The following MISP variants were observed in gnomAD, a reference collection of about 807,000 sequenced individuals.
MISP encodes the protein mitotic spindle positioning.
In MISP, 51 loss-of-function variants were observed where a neutral mutation model predicts 49.3. The ratio of observed to expected loss-of-function variants is 1.03; its 90% CI spans 0.83 to 1.31. The LOEUF is 1.31. MISP is among the 50% of genes most tolerant of loss of function. The pLI is 0.00. For synonymous variants in MISP, 444 were observed against 392.6 expected, an observed-to-expected ratio of 1.13 and a Z score of -1.55; for missense variants, 1,084 against 935.1, an observed-to-expected ratio of 1.16 and a Z score of -2.08.
At chr19:759,084 C>T (rs1391074749) in intron 2 of MISP, among the ~76,000 whole-genome samples, 3 of 152,202 alleles carry the variant, frequency 2.0e-5, no homozygotes, top group Admixed American at 6.5e-5. Flanking sequence ...AGTGCAGTGG[C>T]AGGATCTCAA....
intron 4 of MISP, among the ~76,000 whole-genome samples, chr19:762,188 G>A (rs1465163193): frequency 6.7e-6 from 1 of 148,686 alleles, no homozygotes; most frequent in African/African-American, 2.5e-5. Context: ...TCCTGACCTC[G>A]TGATCCACCC....
At position 758,285 on chromosome 19, in the gene MISP, C is replaced by G; in HGVS notation, c.1339C>G (p.Pro447Ala). 1 of 1,613,974 alleles carries G rather than the reference C, an allele frequency of 6.2e-7. No homozygotes were observed. The highest frequency in any genetic ancestry group is 8.5e-7 in the Non-Finnish European group (1 of 1,180,046). ...EFSAFGAFGK[P>A]SSLSTAEAKA... ...CTCAGCCTTCGGAGCATTCGGCAAGCCCAGCAGTCTCTCCACAGCGGAGGC... is the reference window on the plus strand; with the variant it reads ...CTCAGCCTTCGGAGCATTCGGCAAGGCCAGCAGTCTCTCCACAGCGGAGGC... The change falls in exon 2 of 5, where the codon CCC becomes GCC. Residue 447 changes from proline to alanine, a missense_variant. Physicochemically the swap from Pro to Ala is conservative, Grantham distance 27 (BLOSUM62 -1). Transcript: ENST00000215582.
intron 1 of MISP, among the ~76,000 whole-genome samples, chr19:753,251 A>T (rs950645581): frequency 3.3e-5 from 5 of 152,128 alleles, no homozygotes; most frequent in Non-Finnish European, 7.3e-5. Flanking sequence ...AGTTTCTGAC[A>T]TTTGATACGC....
At chr19:761,500 CAG>C (rs921123003) in intron 3 of MISP, 123 bp from the exon 4 acceptor site, 3 of 1,026,790 alleles carry the variant, frequency 2.9e-6, no homozygotes, top group Non-Finnish European at 4.5e-6. Flanking sequence ...TGAGAACACT[CAG>C]GGCAGGGGAT....
rs199872869 is a variant in MISP at position 758,689 on chromosome 19, C to G, written c.1743C>G (p.Asn581Lys). The change falls in exon 2 of 5, where the codon AAC becomes AAG. Residue 581 changes from asparagine to lysine, a missense_variant. Physicochemically the swap from Asn to Lys is moderately conservative, Grantham distance 94 (BLOSUM62 0). Coordinates refer to ENST00000215582, the MANE Select transcript of MISP (RefSeq NM_173481.4). The stretch of plus-strand genomic sequence containing the variant: ...TCTTCTCCCCAACGCCAGATGAGAA[C>G]TCTGACCAGAACTCCAGGAGCTCCT... ...PEVFSPTPDE[N>K]SDQNSRSSSQ... 7 of 1,614,072 alleles carry G rather than the reference C, an allele frequency of 4.3e-6. No individual in the cohort carries two copies. The highest frequency in any genetic ancestry group is 5.9e-6 in the Non-Finnish European group (7 of 1,179,960).
rs1410310862 is a variant in MISP, at chr19:756,979, C to A, written c.33C>A (p.Gly11=). 3 of 1,587,212 alleles carry A rather than the reference C, an allele frequency of 1.9e-6. No homozygotes were observed. The South Asian group carries it at 3.4e-5, about 18-fold the overall frequency. The change falls in exon 2 of 5, where the codon GGC becomes GGA. Residue 11 remains glycine, a synonymous_variant. Coordinates refer to ENST00000215582, the MANE Select transcript of MISP (RefSeq NM_173481.4). ...GCGTGACCAGATACCCCATCCTGGGCATCCCTCAGGCACACCGTGGCACCG... is the reference window on the plus strand; with the variant it reads ...GCGTGACCAGATACCCCATCCTGGGAATCCCTCAGGCACACCGTGGCACCG... MDRVTRYPIL[G]IPQAHRGTGL...
Position 758,115 on chromosome 19 carries a change from G to A in MISP, c.1169G>A (p.Arg390Gln), listed in dbSNP as rs140196930. 60 of 1,603,630 alleles carry A rather than the reference G, an allele frequency of 3.7e-5. No homozygotes were observed. The highest frequency in any genetic ancestry group is 3.1e-4 in the African/African-American group (23 of 74,772). Residue 390 changes from arginine to glutamine, a missense_variant, in exon 2 of 5, where the codon CGG becomes CAG. By Grantham distance (43) the Arg-to-Gln change is conservative (BLOSUM62 1). Coordinates refer to ENST00000215582, the MANE Select transcript of MISP (RefSeq NM_173481.4). ...TCGGAGGGTCCCCAGCCCGGACTCC[G>A]GAGAGCCCTCAGCTCAGATTCCATC... Reference protein sequence around the residue: ...WVSEGPQPGLRRALSSDSILS... With the variant: ...WVSEGPQPGLQRALSSDSILS...
intron 1 of MISP, among the ~76,000 whole-genome samples, chr19:755,359 C>G (rs543881950): frequency 6.6e-6 from 1 of 152,148 alleles, no homozygotes. Flanking sequence ...GGCTTTATGG[C>G]GACAAGGCCC....
chr19:757,962 C>A lies in MISP; in HGVS notation c.1016C>A (p.Ala339Asp), dbSNP rs1481318496. 6.3e-7 allele frequency: 1 copy of A among 1,589,438 alleles called. No homozygotes were observed. Among genetic ancestry groups the A allele is most frequent in the Non-Finnish European group, 8.5e-7 (1 of 1,172,904 alleles). Residue 339 changes from alanine to aspartate, a missense_variant, in exon 2 of 5, where the codon GCC (alanine) becomes GAC (aspartate). Ala to Asp is a moderately radical substitution (Grantham distance 126). Transcript: ENST00000215582. ...PLLTKLSLIT[A>D]PRRERGRPSL... Reference sequence around the variant, plus strand: ...CTGACCAAGCTGAGCCTGATCACAGCCCCACGGCGGGAGAGAGGGCGCCCG... The same window carrying A: ...CTGACCAAGCTGAGCCTGATCACAGACCCACGGCGGGAGAGAGGGCGCCCG...
intron 1 of MISP, among the ~76,000 whole-genome samples, chr19:754,738 T>A (rs1164476261): frequency 6.6e-6 from 1 of 151,908 alleles, no homozygotes; most frequent in Non-Finnish European, 1.5e-5. Flanking sequence ...CTGGAGGAGG[T>A]GTCCATGGGC....
At position 757,487 on chromosome 19, in the gene MISP, C is replaced by T. The variant is rs778897192; in HGVS notation, c.541C>T (p.Leu181=). ...CCCCGGCCCACCTCGGTCCACGCCCCTGGAGGAGAACGTGGTTGACAGGGA... is the reference window on the plus strand; with the variant it reads ...CCCCGGCCCACCTCGGTCCACGCCCTTGGAGGAGAACGTGGTTGACAGGGA... The part of the protein sequence containing the change: ...RTPGPPRSTP[L]EENVVDREQI... The change falls in exon 2 of 5, where the codon CTG becomes TTG. Residue 181 remains leucine, a synonymous_variant. Coordinates refer to ENST00000215582, the MANE Select transcript of MISP (RefSeq NM_173481.4). 3.1e-5 allele frequency: 49 copies of T among 1,600,334 alleles called. No homozygotes were observed. In the Middle Eastern group the frequency reaches 4.9e-4, roughly 16 times the overall value.
At position 757,576 on chromosome 19, in the gene MISP, C is replaced by T. The variant is rs772351181; in HGVS notation, c.630C>T (p.Ala210=). The T allele has an allele frequency of 1.1e-5, 18 of 1,612,808 alleles. No individual in the cohort carries two copies. Among genetic ancestry groups the T allele is most frequent in the East Asian group, 2.2e-5 (1 of 44,834 alleles). Residue 210 remains alanine, a synonymous_variant, in exon 2 of 5, where the codon GCC becomes GCT. Transcript: ENST00000215582. The part of the protein sequence containing the change: ...FLSLEQANKG[A]PHSSPARGTP... ...GTCTGGAGCAGGCGAACAAGGGGGCCCCTCATAGCTCCCCGGCCAGGGGGA... is the reference window on the plus strand; with the variant it reads ...GTCTGGAGCAGGCGAACAAGGGGGCTCCTCATAGCTCCCCGGCCAGGGGGA...
chr19:761,671 T>G lies in MISP; in HGVS notation c.1950+8T>G. The G allele has an allele frequency of 6.2e-7, 1 of 1,614,074 alleles. No homozygotes were observed. Among genetic ancestry groups the G allele is most frequent in the African/African-American group, 1.3e-5 (1 of 75,040 alleles). ...GACGGTATCAACTCAGAGGTGAGTA[T>G]GCTCCTGGGCACGAAGACTCAAGTC... On this transcript the variant is annotated splice_region_variant and intron_variant, in intron 4 of 4. Transcript: ENST00000215582.
chr19:761,669 T>C lies in MISP; in HGVS notation c.1950+6T>C, dbSNP rs1555694035. 1.9e-6 allele frequency: 3 copies of C among 1,613,824 alleles called. No individual in the cohort carries two copies. The highest frequency in any genetic ancestry group is 2.5e-6 in the Non-Finnish European group (3 of 1,179,962). On this transcript the variant is annotated splice_donor_region_variant and intron_variant, in intron 4 of 4. Transcript: ENST00000215582. ...CGGACGGTATCAACTCAGAGGTGAG[T>C]ATGCTCCTGGGCACGAAGACTCAAG...
chr19:761,716 C>T, intron 4 of MISP, 53 bp downstream of exon 4: 1 of 1,600,618 alleles, frequency 6.2e-7, no homozygotes. Flanking sequence ...CACATCTGTG[C>T]CCCTGCACAC....
At chr19:755,355 A>G (rs2033533439) in intron 1 of MISP, among the ~76,000 whole-genome samples, 1 of 152,166 alleles carries the variant, frequency 6.6e-6, no homozygotes. Context: ...TCCTGGCTTT[A>G]TGGCGACAAG....
chr19:753,389 C>CTTTTTTT (rs553930795), intron 1 of MISP, among the ~76,000 whole-genome samples: 1 of 137,918 alleles, frequency 7.3e-6, no homozygotes, highest in Non-Finnish European at 1.6e-5. Context: ...TTCTTTTTTT[C>CTTTTTTT]TTTTTTTTTT....
intron 1 of MISP, among the ~76,000 whole-genome samples, 196 bp from the exon 2 acceptor site, chr19:756,694 G>T (rs1320457106): frequency 6.7e-6 from 1 of 149,216 alleles, no homozygotes; most frequent in Admixed American, 6.6e-5. Flanking sequence ...TGGCTGGACT[G>T]TCACTTACGC....
At chr19:761,563 G>T (rs2033671821) in intron 3 of MISP, 62 bp from the exon 4 acceptor site, 1 of 1,596,402 alleles carries the variant, frequency 6.3e-7, no homozygotes, top group African/African-American at 1.3e-5. Flanking sequence ...TGGGAGCTCT[G>T]GTCGGACTCT....
Sources: gnomAD v4.1 joint callset for allele counts (sites outside exome capture counted in the v4.1 genomes callset) on GRCh38, gnomAD v4.1.1 for gene constraint, MANE v1.5 for transcripts, NCBI Gene and HGNC (gene_info 2026-07-23, HGNC 2026-07-21) for gene names.